The following SLC9C1 variants were observed in gnomAD, a reference collection of about 807,000 sequenced individuals.
SLC9C1 encodes the protein sodium/hydrogen exchanger 10.
In SLC9C1, 97 loss-of-function variants were observed where a neutral mutation model predicts 140.9. That is an observed-to-expected ratio of 0.69 (90% CI 0.58 to 0.82). The LOEUF is 0.82. SLC9C1 is among the 40% of genes least tolerant of loss of function. The pLI is 0.00. For synonymous variants in SLC9C1, 440 were observed against 442.6 expected, an observed-to-expected ratio of 0.99 and a Z score of 0.07; for missense variants, 1,340 against 1,389.3, an observed-to-expected ratio of 0.96 and a Z score of 0.56.
intron 13 of SLC9C1, among the ~76,000 whole-genome samples, chr3:112,230,370 T>C (rs564826102): frequency 2.0e-4 from 31 of 152,234 alleles, no homozygotes; most frequent in Admixed American, 3.9e-4. Context: ...TTAGGAAACA[T>C]GGAAGAGCTA....
At chr3:112,246,431 GT>G (rs1327797971) in intron 10 of SLC9C1, among the ~76,000 whole-genome samples, 1 of 152,032 alleles carries the variant, frequency 6.6e-6, no homozygotes, top group African/African-American at 2.4e-5. Context: ...GATTTTCCAA[GT>G]TTAGTATTAG....
chr3:112,260,920 T>C (rs919745610), intron 10 of SLC9C1, among the ~76,000 whole-genome samples: 2 of 152,064 alleles, frequency 1.3e-5, no homozygotes. Flanking sequence ...TTTCTGGTGC[T>C]CCTTTTTCTA....
intron 2 of SLC9C1, 141 bp from the exon 3 acceptor site, chr3:112,280,924 T>C: frequency 1.4e-6 from 1 of 712,886 alleles, no homozygotes; most frequent in Non-Finnish European, 2.4e-6. Flanking sequence ...CTCACACTTA[T>C]CAGCACACAG....
intron 9 of SLC9C1, among the ~76,000 whole-genome samples, chr3:112,263,447 T>G (rs1164282134): frequency 2.6e-5 from 4 of 151,938 alleles, no homozygotes; most frequent in Non-Finnish European, 5.9e-5. Flanking sequence ...GAATAAGAAG[T>G]GAGAAAATGT....
intron 25 of SLC9C1, among the ~76,000 whole-genome samples, chr3:112,168,367 A>ACACACACACAC (rs200097066): frequency 1.9e-5 from 1 of 53,024 alleles, no homozygotes; most frequent in Non-Finnish European, 4.3e-5. Context: ...ACACACACAC[A>ACACACACACAC]ACTTCTTTCC....
chr3:112,270,815 C>T (rs1327176619), intron 6 of SLC9C1, among the ~76,000 whole-genome samples: 1 of 149,662 alleles, frequency 6.7e-6, no homozygotes, highest in Non-Finnish European at 1.5e-5. Context: ...GACTCTGTCT[C>T]AAAAAAAAAG....
At chr3:112,159,984 C>T (rs2075244445) in intron 26 of SLC9C1, among the ~76,000 whole-genome samples, 1 of 151,782 alleles carries the variant, frequency 6.6e-6, no homozygotes. Context: ...TCATAGGCAG[C>T]ATATAGTTGG....
At position 112,211,841 on chromosome 3, in the gene SLC9C1, C is replaced by T. The variant is rs1235922721; in HGVS notation, c.1791-3468G>A. Among the ~76,000 whole-genome samples the T allele has an allele frequency of 2.0e-5, 3 of 152,220 alleles. No homozygotes were observed. In the East Asian group the frequency reaches 5.8e-4, roughly 29 times the overall value. The stretch of plus-strand genomic sequence containing the variant: ...TGCAGACTTAAATGTCCCTGCCTGA[C>T]AGCTTTGAAGAGAGTAGTGGTTCTC... On this transcript the variant is annotated intron_variant, in intron 15 of 28. Coordinates refer to ENST00000305815, the MANE Select transcript of SLC9C1 (RefSeq NM_183061.3).
chr3:112,211,930 G>A (rs1161927728), intron 15 of SLC9C1, among the ~76,000 whole-genome samples: 2 of 152,204 alleles, frequency 1.3e-5, no homozygotes, highest in Admixed American at 6.5e-5. Context: ...TCTGACCCCC[G>A]AGTAGCCTAA....
intron 6 of SLC9C1, among the ~76,000 whole-genome samples, chr3:112,273,168 G>C (rs1351552375): frequency 6.6e-6 from 1 of 151,976 alleles, no homozygotes; most frequent in Non-Finnish European, 1.5e-5. Flanking sequence ...TTTTTAAAAA[G>C]CTTCTGAATA....
At chr3:112,154,148 A>G in intron 27 of SLC9C1, among the ~76,000 whole-genome samples, 1 of 152,216 alleles carries the variant, frequency 6.6e-6, no homozygotes, top group Non-Finnish European at 1.5e-5. Context: ...TAATGGATGT[A>G]AAATATGTAT....
intron 12 of SLC9C1, among the ~76,000 whole-genome samples, chr3:112,233,040 CACACACACACAT>C (rs1291403209): frequency 6.9e-5 from 5 of 72,146 alleles, no homozygotes; most frequent in Admixed American, 1.8e-4. Flanking sequence ...CACACACACA[CACACACACACAT>C]ATATATATAT....
chr3:112,280,946 CTG>C (rs750572340), intron 2 of SLC9C1, among the ~76,000 whole-genome samples, 163 bp from the exon 3 acceptor site: 5 of 152,148 alleles, frequency 3.3e-5, no homozygotes, highest in Non-Finnish European at 7.4e-5. Context: ...ATCAGTGTAA[CTG>C]TTAATCTACC....
chr3:112,272,351 T>C (rs9829464), intron 6 of SLC9C1, among the ~76,000 whole-genome samples: 44,222 of 152,178 alleles, frequency 0.29, 6,607 homozygotes, highest in East Asian at 0.36. Context: ...CTGCTTATAC[T>C]GTTTTAAAAT....
At chr3:112,279,812 G>C (rs2080311374) in intron 3 of SLC9C1, among the ~76,000 whole-genome samples, 1 of 152,182 alleles carries the variant, frequency 6.6e-6, no homozygotes, top group Admixed American at 6.5e-5. Flanking sequence ...TCTGGTTATT[G>C]CTATTGCTGT....
intron 23 of SLC9C1, among the ~76,000 whole-genome samples, chr3:112,177,032 A>T (rs2077352609): frequency 8.0e-6 from 1 of 124,392 alleles, no homozygotes; most frequent in African/African-American, 3.2e-5. Flanking sequence ...TTGGTGATAG[A>T]GTCTTTCTCT....
chr3:112,201,816 C>T (rs750769223), intron 18 of SLC9C1, among the ~76,000 whole-genome samples: 1 of 151,828 alleles, frequency 6.6e-6, no homozygotes, highest in Non-Finnish European at 1.5e-5. Context: ...GTTTTTATTT[C>T]CTTTACTGTT....
At chr3:112,208,114 C>G in intron 16 of SLC9C1, 64 bp downstream of exon 16, 1 of 1,293,222 alleles carries the variant, frequency 7.7e-7, no homozygotes, top group Non-Finnish European at 1.0e-6. Flanking sequence ...TGTTGAAAAA[C>G]AAGGCTAGGA....
At chr3:112,227,183 T>C (rs2108151825) in intron 13 of SLC9C1, among the ~76,000 whole-genome samples, 1 of 152,094 alleles carries the variant, frequency 6.6e-6, no homozygotes, top group South Asian at 2.1e-4. Context: ...AGCAGTAATA[T>C]AAAGTCTCCC....
Sources: gnomAD v4.1 joint callset for allele counts (sites outside exome capture counted in the v4.1 genomes callset) on GRCh38, gnomAD v4.1.1 for gene constraint, MANE v1.5 for transcripts, NCBI Gene and HGNC (gene_info 2026-07-23, HGNC 2026-07-21) for gene names.